USE1: variants seen among roughly 807,000 people sequenced by gnomAD.
USE1 encodes vesicle transport protein USE1.
USE1 carries 32 observed loss-of-function variants against 37.6 expected under a neutral mutation model. The ratio of observed to expected loss-of-function variants is 0.85; its 90% CI spans 0.64 to 1.14. The LOEUF (loss-of-function observed/expected upper bound fraction) is 1.14. Among genes scored for constraint, USE1 ranks in the 50% most tolerant of loss-of-function variants. USE1 has a pLI of 0.00. For synonymous variants in USE1, 149 were observed against 137.6 expected (o/e 1.08, Z -0.58); for missense variants, 310 against 332.2 (o/e 0.93, Z 0.52).
intron 1 of USE1, 94 bp downstream of exon 1, chr19:17,215,601 G>C (rs1450900813): frequency 6.9e-7 from 1 of 1,454,718 alleles, no homozygotes; most frequent in South Asian, 1.3e-5. Flanking sequence ...GGCCCCAGTA[G>C]CCTCTCGGGC....
chr19:17,217,696 G>C, intron 5 of USE1: 1 of 584,408 alleles, frequency 1.7e-6, no homozygotes, highest in Non-Finnish European at 3.2e-6. Context: ...TGGATCACCT[G>C]AGGTCAGGAG....
Position 17,216,022 on chromosome 19 carries a change from T to C in USE1, c.183T>C (p.Tyr61=). The C allele has an allele frequency of 1.2e-6, 2 of 1,609,914 alleles. No individual in the cohort carries two copies. Among genetic ancestry groups the C allele is most frequent in the Admixed American group, 1.7e-5 (1 of 59,048 alleles). The change falls in exon 3 of 8, where the codon TAT becomes TAC. Residue 61 remains tyrosine (Y), a synonymous_variant. Transcript: ENST00000263897. ...SKPASEVINE[Y]SWKVDFLKGM... ...CGGCCTCTGAGGTGATCAATGAATATTCCTGGAAGGTGGATTTTCTGAAGG... is the reference window on the plus strand; with the variant it reads ...CGGCCTCTGAGGTGATCAATGAATACTCCTGGAAGGTGGATTTTCTGAAGG...
At chr19:17,218,267 A>G in intron 5 of USE1, 97 bp from the exon 6 acceptor site, 1 of 1,543,698 alleles carries the variant, frequency 6.5e-7, no homozygotes, top group Non-Finnish European at 8.9e-7. Flanking sequence ...ATGAGGAAAC[A>G]GCATTCCAAG....
At chr19:17,215,691 G>GC in intron 1 of USE1, 111 bp from the exon 2 acceptor site, 2 of 1,065,452 alleles carry the variant, frequency 1.9e-6, no homozygotes, top group Non-Finnish European at 2.6e-6. Flanking sequence ...TCCCCCACTG[G>GC]CCCCGCCTCC....
intron 6 of USE1, 106 bp downstream of exon 6, chr19:17,218,497 A>G: frequency 6.9e-7 from 1 of 1,457,674 alleles, no homozygotes; most frequent in Non-Finnish European, 9.3e-7. Flanking sequence ...ACAAGGATCT[A>G]AACCAACCAG....
rs2073281810 is a variant in USE1 at position 17,215,438 on chromosome 19, G to A, written c.33G>A (p.Val11=). Residue 11 remains valine (V), a synonymous_variant, in exon 1 of 8, where the codon GTG becomes GTA. Coordinates refer to ENST00000263897, the MANE Select transcript of USE1 (RefSeq NM_018467.4). Reference sequence around the variant, plus strand: ...CGTCGAGGCTGGAGCTAAACCTGGTGCGGCTGCTATCCCGCTGCGAGGCGA... The same window carrying A: ...CGTCGAGGCTGGAGCTAAACCTGGTACGGCTGCTATCCCGCTGCGAGGCGA... MAASRLELNL[V]RLLSRCEAMA... 4.5e-6 allele frequency: 7 copies of A among 1,562,634 alleles called. No individual in the cohort carries two copies. The highest frequency in any genetic ancestry group is 5.2e-6 in the Non-Finnish European group (6 of 1,155,138).
chr19:17,216,421 C>T (rs984625673), intron 4 of USE1, 100 bp downstream of exon 4: 22 of 1,487,748 alleles, frequency 1.5e-5, no homozygotes, highest in Non-Finnish European at 1.6e-5. Context: ...TACAGGAACC[C>T]TAAGGGGGTC....
intron 4 of USE1, 63 bp downstream of exon 4, chr19:17,216,384 G>A: frequency 6.3e-7 from 1 of 1,578,202 alleles, no homozygotes; most frequent in Non-Finnish European, 8.6e-7. Flanking sequence ...TATGCTTGTA[G>A]GCAGCCAGAA....
At chr19:17,215,910 C>T (rs1010275414) in intron 2 of USE1, 59 bp downstream of exon 2, 9 of 1,587,136 alleles carry the variant, frequency 5.7e-6, no homozygotes, top group Non-Finnish European at 7.7e-6. Flanking sequence ...ACTGGACATC[C>T]CAGTACCGCT....
chr19:17,216,071 G>A lies in USE1; in HGVS notation c.231+1G>A. 1.2e-6 allele frequency: 2 copies of A among 1,612,974 alleles called. No homozygotes were observed. The highest frequency in any genetic ancestry group is 1.7e-6 in the Non-Finnish European group (2 of 1,179,522). On this transcript the variant is annotated splice_donor_variant, in intron 3 of 7. Transcript: ENST00000263897. LOFTEE classifies it high-confidence loss of function. The stretch of plus-strand genomic sequence containing the variant: ...GGGGATGCTGCAAGCCGAGAAGCTG[G>A]TGAGAAGGGGTGCCCCTGCCCCCTC...
Position 17,219,684 on chromosome 19 carries a change from G to A in USE1, c.651G>A (p.Thr217=), listed in dbSNP as rs747218197. Residue 217 remains threonine, a synonymous_variant, in exon 8 of 8, where the codon ACG becomes ACA. Transcript: ENST00000263897. ...ACCAGAACCTGGAGAAACTGAAGAC[G>A]GAGTCAGAGCGTCTGGAGCAGCACA... ...MADQNLEKLK[T]ESERLEQHTQ... The A allele has an allele frequency of 5.0e-6, 8 of 1,612,216 alleles. No homozygotes were observed. The highest frequency in any genetic ancestry group is 2.7e-5 in the African/African-American group (2 of 74,914).
rs1339584959 is a variant in USE1, at chr19:17,218,151, G to A, written c.395-213G>A. The A allele has an allele frequency of 1.0e-5, 6 of 588,382 alleles. No homozygotes were observed. In the East Asian group the frequency reaches 1.5e-4, roughly 15 times the overall value. The allele number at this position is 588,382 out of a possible 1,614,324, so 36.4% of individuals were successfully genotyped here. A position where few individuals can be genotyped will look rare whatever the true frequency, so the allele number is the denominator to read the frequency against. On this transcript the variant is annotated intron_variant, in intron 5 of 7. Coordinates refer to ENST00000263897, the MANE Select transcript of USE1 (RefSeq NM_018467.4). ...CAGCCTATGGGACCAAGGCTAGGCTGGAGGGAGGGACCTGGGGTCTGAGGG... is the reference window on the plus strand; with the variant it reads ...CAGCCTATGGGACCAAGGCTAGGCTAGAGGGAGGGACCTGGGGTCTGAGGG...
chr19:17,219,283 C>T lies in USE1; in HGVS notation c.493C>T (p.His165Tyr). 1 of 1,613,768 alleles carries T rather than the reference C, an allele frequency of 6.2e-7. No individual in the cohort carries two copies. Residue 165 changes from histidine to tyrosine, a missense_variant, in exon 7 of 8, where the codon CAT (histidine) becomes TAT (tyrosine). By Grantham distance (83) the His-to-Tyr change is moderately conservative. Coordinates refer to ENST00000263897, the MANE Select transcript of USE1 (RefSeq NM_018467.4). The stretch of plus-strand genomic sequence containing the variant: ...TGAGCTAGACCTCGTCCTGCAGCGA[C>T]ATCAGAACCTCCAGGAAAAGCTGGC... The part of the protein sequence containing the change: ...AAELDLVLQR[H>Y]QNLQEKLAEE...
rs2073287559 is a variant in USE1, at chr19:17,215,983, GC to G, written c.153-7del. The stretch of plus-strand genomic sequence containing the variant: ...GACAGGTTTTGTTTTTCTTCTTCCT[GC>G]CTTCCAGCAAACCGGCCTCTGAGGT... On this transcript the variant is annotated splice_polypyrimidine_tract_variant and splice_region_variant and intron_variant, in intron 2 of 7. Transcript: ENST00000263897. 1 of 1,598,578 alleles carries G rather than the reference GC, an allele frequency of 6.3e-7. No homozygotes were observed. Among genetic ancestry groups the G allele is most frequent in the Non-Finnish European group, 8.5e-7 (1 of 1,172,474 alleles).
At chr19:17,217,160 A>C (rs542993133) in intron 4 of USE1, among the ~76,000 whole-genome samples, 116 of 136,532 alleles carry the variant, frequency 8.5e-4, no homozygotes, top group African/African-American at 3.1e-3. Context: ...TTTGCGATGG[A>C]GATTCGCTCT....
At chr19:17,218,301 C>A (rs184304407) in intron 5 of USE1, 63 bp from the exon 6 acceptor site, 722 of 1,608,742 alleles carry the variant, frequency 4.5e-4, no homozygotes, top group Non-Finnish European at 5.8e-4. Flanking sequence ...ACAGGCAATG[C>A]TCAGGATGCC....
chr19:17,215,916 C>T, intron 2 of USE1, 65 bp downstream of exon 2: 1 of 1,584,256 alleles, frequency 6.3e-7, no homozygotes, highest in Non-Finnish European at 8.6e-7. Context: ...CATCCCAGTA[C>T]CGCTATCCCA....
chr19:17,218,341 T>G, intron 5 of USE1, 23 bp from the exon 6 acceptor site: 1 of 1,613,572 alleles, frequency 6.2e-7, no homozygotes, highest in Non-Finnish European at 8.5e-7. Context: ...TCGCCTTTTT[T>G]GCTTGGCCTG....
chr19:17,217,076 G>A (rs2073295077), intron 4 of USE1, among the ~76,000 whole-genome samples: 1 of 151,982 alleles, frequency 6.6e-6, no homozygotes, highest in South Asian at 2.1e-4. Context: ...AGGTGAGGAG[G>A]TTGAGGTCAG....
Sources: allele counts gnomAD v4.1 joint callset (sites outside exome capture counted in the v4.1 genomes callset), GRCh38; gene constraint gnomAD v4.1.1; transcripts MANE v1.5; gene names NCBI Gene and HGNC (gene_info 2026-07-23, HGNC 2026-07-21).